R3HDM1: variants seen among roughly 807,000 people sequenced by gnomAD.
The protein encoded by R3HDM1 is R3H domain-containing protein 1.
Under a neutral mutation model 141.1 loss-of-function variants are expected in R3HDM1, and 46 were observed. The ratio of observed to expected loss-of-function variants is 0.33; its 90% confidence interval spans 0.26 to 0.42. The LOEUF (loss-of-function observed/expected upper bound fraction) is 0.42. Among genes scored for constraint, R3HDM1 ranks in the 10% least tolerant of loss-of-function variants. The pLI is 1.00. For synonymous variants in R3HDM1, 435 were observed against 472.9 expected (o/e 0.92, Z 1.04); for missense variants, 1,184 against 1,368.3 (o/e 0.87, Z 2.12).
At chr2:135,552,793 C>G (rs564995188) in intron 1 of R3HDM1, among the ~76,000 whole-genome samples, 1 of 152,218 alleles carries the variant, frequency 6.6e-6, no homozygotes, top group Admixed American at 6.5e-5. Flanking sequence ...TAATTTCTTA[C>G]TCATTGTGCA....
chr2:135,621,535 A>C lies in R3HDM1; in HGVS notation c.345A>C (p.Glu115Asp), dbSNP rs150951840. The C allele has an allele frequency of 7.5e-6, 12 of 1,601,038 alleles. No individual in the cohort carries two copies. The African/African-American group carries it at 1.2e-4, about 16-fold the overall frequency. Residue 115 changes from glutamate (E) to aspartate (D), a missense_variant, in exon 6 of 27, where the codon GAA (glutamate) becomes GAC (aspartate). By Grantham distance (45) the Glu-to-Asp change is conservative. Transcript: ENST00000683871. ...AGTTAACACAATCATTTGAGAAAGA[A>C]GAGAAGCCCTCAAAAGATGAAGCAG... is the stretch of plus-strand genomic sequence containing the variant. ...QIQLTQSFEK[E>D]EKPSKDEAEK...
intron 24 of R3HDM1, 123 bp downstream of exon 24, chr2:135,715,817 C>CT (rs2076104759): frequency 1.7e-6 from 2 of 1,187,212 alleles, no homozygotes; most frequent in South Asian, 3.2e-5. Context: ...TTCACCTACA[C>CT]TCAGGCATGT....
chr2:135,692,697 A>C (rs1019187552), intron 21 of R3HDM1, among the ~76,000 whole-genome samples: 21 of 152,220 alleles, frequency 1.4e-4, no homozygotes, highest in Admixed American at 1.2e-3. Context: ...AAAAAAGGCC[A>C]AAAATTAGTC....
chr2:135,670,169 A>T, intron 19 of R3HDM1: 7 of 331,622 alleles, frequency 2.1e-5, no homozygotes, highest in Non-Finnish European at 3.0e-5. Context: ...CCAACAAAAA[A>T]GATTAGCTTG....
intron 4 of R3HDM1, 85 bp downstream of exon 4, chr2:135,616,278 C>G: frequency 7.7e-7 from 1 of 1,304,902 alleles, no homozygotes. Context: ...GCACTACATT[C>G]AGTTTAGTTC....
At chr2:135,661,221 AT>A in intron 18 of R3HDM1, 48 bp from the exon 19 acceptor site, 2 of 1,603,446 alleles carry the variant, frequency 1.2e-6, no homozygotes, top group Non-Finnish European at 1.7e-6. Context: ...AGAAAAACAT[AT>A]GTAATGCAAG....
intron 3 of R3HDM1, among the ~76,000 whole-genome samples, chr2:135,610,069 G>A (rs182092039): frequency 2.0e-4 from 30 of 151,908 alleles, no homozygotes; most frequent in Non-Finnish European, 3.5e-4. Flanking sequence ...AAAAAACTTA[G>A]AGTAAATTAT....
intron 9 of R3HDM1, among the ~76,000 whole-genome samples, chr2:135,633,380 A>G (rs540437767): frequency 1.3e-5 from 2 of 152,324 alleles, no homozygotes; most frequent in African/African-American, 4.8e-5. Flanking sequence ...CATTTTGACT[A>G]ACATTTTGAC....
chr2:135,624,007 T>G (rs2061751996), intron 7 of R3HDM1, among the ~76,000 whole-genome samples: 1 of 152,098 alleles, frequency 6.6e-6, no homozygotes, highest in Non-Finnish European at 1.5e-5. Flanking sequence ...GGGAAGGGCA[T>G]TTGAGATAGA....
intron 21 of R3HDM1, among the ~76,000 whole-genome samples, chr2:135,709,059 G>A (rs1282124791): frequency 6.6e-6 from 1 of 150,492 alleles, no homozygotes; most frequent in Non-Finnish European, 1.5e-5. Context: ...TGTTAACTAT[G>A]TCAGAACATG....
In R3HDM1 at chr2:135,602,832, G is replaced by A. The variant is rs59605415; in HGVS notation, c.-41+124G>A. On this transcript the variant is annotated intron_variant, in intron 2 of 26. Coordinates refer to ENST00000683871, the MANE Select transcript of R3HDM1 (RefSeq NM_001378107.1). Reference sequence around the variant, plus strand: ...CCCTACTTTGCAGCTGTTTGTTTTCGGAATGAACCAATTAACTTTTGTATG... The same window carrying A: ...CCCTACTTTGCAGCTGTTTGTTTTCAGAATGAACCAATTAACTTTTGTATG... The A allele has an allele frequency of 0.021, 17,194 of 806,982 alleles. 2,116 individuals carry two copies. The African/African-American group carries it at 0.27, about 13-fold the overall frequency. 50.0% of individuals were successfully genotyped at this position (806,982 alleles called of 1,614,324 possible).
At chr2:135,699,021 AGAT>A (rs1559465423) in intron 21 of R3HDM1, among the ~76,000 whole-genome samples, 86 of 120,202 alleles carry the variant, frequency 7.2e-4, no homozygotes, top group African/African-American at 2.3e-3. Context: ...ATAGATAGAT[AGAT>A]AGATAGATAG....
intron 21 of R3HDM1, among the ~76,000 whole-genome samples, chr2:135,707,097 T>G (rs1236864815): frequency 3.9e-5 from 6 of 152,272 alleles, no homozygotes; most frequent in Non-Finnish European, 1.5e-5. Flanking sequence ...TTCAGGAAGT[T>G]TGGGGATAAA....
intron 1 of R3HDM1, among the ~76,000 whole-genome samples, chr2:135,557,794 C>T (rs757053586): frequency 4.6e-5 from 7 of 152,116 alleles, no homozygotes; most frequent in Non-Finnish European, 7.3e-5. Flanking sequence ...CCAGGCAAGG[C>T]TGCTGACATT....
intron 9 of R3HDM1, among the ~76,000 whole-genome samples, chr2:135,634,366 C>T (rs555764271): frequency 2.0e-5 from 3 of 152,082 alleles, no homozygotes; most frequent in Admixed American, 6.6e-5. Flanking sequence ...TAGGGCCAGG[C>T]GCAATGTCTC....
rs541600763 is a variant in R3HDM1 at position 135,577,838 on chromosome 2, CAA to C, written c.-249-24642_-249-24641del. ...GGGCAACAAGAATGAAACTTCATCT[CAA>C]AAAAAAAAAAAAAAAAAAAGTGAAA... is the stretch of plus-strand genomic sequence containing the variant. On this transcript the variant is annotated intron_variant, in intron 1 of 26. Transcript: ENST00000683871. 6.5e-3 allele frequency among the ~76,000 whole-genome samples: 406 copies of C among 62,866 alleles called. 1 individual carries two copies. Among genetic ancestry groups the C allele is most frequent in the African/African-American group, 0.015 (320 of 21,542 alleles). The allele number at this position is 62,866 out of a possible 152,430, so 41.2% of individuals were successfully genotyped here.
Position 135,638,918 on chromosome 2 carries a change from A to G in R3HDM1, c.1015A>G (p.Arg339Gly). 1.2e-6 allele frequency: 2 copies of G among 1,614,048 alleles called. No individual in the cohort carries two copies. The highest frequency in any genetic ancestry group is 1.7e-6 in the Non-Finnish European group (2 of 1,180,012). The change falls in exon 14 of 27, where the codon AGA becomes GGA. Residue 339 changes from arginine to glycine, a missense_variant. Arg to Gly is a moderately radical substitution (Grantham distance 125). This residue lies in a region of R3HDM1 where 240 missense variants were observed against 312.3 expected (regional missense o/e 0.77). Transcript: ENST00000683871. ...IFRVNKDASG[R>G]STNSHQSSTE... ...CAGAGTTAATAAAGATGCTTCAGGGAGATCTACAAATAGCCATCAAAGCAG... is the reference window on the plus strand; with the variant it reads ...CAGAGTTAATAAAGATGCTTCAGGGGGATCTACAAATAGCCATCAAAGCAG...
rs548719362 is a variant in R3HDM1, at chr2:135,638,906, G to A, written c.1003G>A (p.Asp335Asn). The A allele has an allele frequency of 6.2e-5, 100 of 1,613,602 alleles. No homozygotes were observed. The Middle Eastern group carries it at 9.9e-4, about 16-fold the overall frequency. The part of the protein sequence containing the change: ...QRRQIFRVNK[D>N]ASGRSTNSHQ... Reference sequence around the variant, plus strand: ...ATTTCTAAATTACAGAGTTAATAAAGATGCTTCAGGGAGATCTACAAATAG... The same window carrying A: ...ATTTCTAAATTACAGAGTTAATAAAAATGCTTCAGGGAGATCTACAAATAG... The change falls in exon 14 of 27, where the codon GAT (aspartate) becomes AAT (asparagine). Residue 335 changes from aspartate (D) to asparagine (N), a missense_variant. Asp to Asn is a conservative substitution (Grantham distance 23, BLOSUM62 1). Coordinates refer to ENST00000683871, the MANE Select transcript of R3HDM1 (RefSeq NM_001378107.1).
intron 1 of R3HDM1, among the ~76,000 whole-genome samples, chr2:135,544,447 G>A (rs1390086986): frequency 2.6e-5 from 4 of 152,280 alleles, no homozygotes; most frequent in Middle Eastern, 6.8e-3. Flanking sequence ...TATTTACAGT[G>A]AGCTGAGCTG....
Sources: gnomAD v4.1 joint callset for allele counts (sites outside exome capture counted in the v4.1 genomes callset) on GRCh38, gnomAD v4.1.1 for gene constraint, gnomAD v4.1.1 regional missense constraint, MANE v1.5 for transcripts, NCBI Gene and HGNC (gene_info 2026-07-23, HGNC 2026-07-21) for gene names.